Variants in GTF2E2 observed in about 807,000 individuals in gnomAD.
The protein encoded by GTF2E2 is general transcription factor IIE subunit 2, also known as transcription initiation factor IIE subunit beta.
A neutral mutation model predicts 40.5 loss-of-function variants in GTF2E2; 21 were observed. The ratio of observed to expected loss-of-function variants is 0.52; its 90% confidence interval spans 0.37 to 0.75. GTF2E2 has a LOEUF of 0.75. GTF2E2 is among the 30% of genes least tolerant of loss of function. The pLI, the probability that GTF2E2 is intolerant of heterozygous loss-of-function variation, is 0.00. For synonymous variants in GTF2E2, 117 were observed against 121.6 expected (o/e 0.96, Z 0.25); for missense variants, 298 against 338.4 (o/e 0.88, Z 0.94).
In GTF2E2 at chr8:30,653,495, G is replaced by A. The variant is rs953524794; in HGVS notation, c.104C>T (p.Ser35Leu). 7 of 1,608,200 alleles carry A rather than the reference G, an allele frequency of 4.4e-6. No individual in the cohort carries two copies. Among genetic ancestry groups the A allele is most frequent in the Non-Finnish European group, 5.1e-6 (6 of 1,175,198 alleles). ...TACCTTTGTTTTCTTCTTCTTTGAC[G>A]ATGATGATGATGACTCAGAAGATGC... ...RSASSESSSS[S>L]SKKKKTKVEH... Residue 35 changes from serine (S) to leucine (L), a missense_variant, in exon 2 of 8, where the codon TCG becomes TTG. Ser to Leu is a moderately radical substitution (Grantham distance 145). Coordinates refer to ENST00000355904, the MANE Select transcript of GTF2E2 (RefSeq NM_002095.6).
chr8:30,645,649 GA>G (rs1035929844), intron 2 of GTF2E2: 51 of 1,452,042 alleles, frequency 3.5e-5, no homozygotes, highest in Middle Eastern at 3.9e-4. Context: ...CCTCTTCTGA[GA>G]AAAAAAATAT....
intron 6 of GTF2E2, among the ~76,000 whole-genome samples, chr8:30,605,034 G>A (rs886252318): frequency 9.9e-5 from 15 of 152,182 alleles, no homozygotes; most frequent in African/African-American, 3.6e-4. Context: ...AACACACAGT[G>A]TACTCCTAAA....
At chr8:30,636,299 C>T (rs774926524) in intron 2 of GTF2E2, among the ~76,000 whole-genome samples, 1 of 152,108 alleles carries the variant, frequency 6.6e-6, no homozygotes, top group Admixed American at 6.6e-5. Flanking sequence ...GGCTGATCCA[C>T]AAAGAGAGAG....
chr8:30,640,478 C>T (rs1801776607), intron 2 of GTF2E2, among the ~76,000 whole-genome samples: 1 of 151,874 alleles, frequency 6.6e-6, no homozygotes, highest in Admixed American at 6.6e-5. Flanking sequence ...AAAACTAAAA[C>T]ACATATGCTA....
chr8:30,648,762 C>T (rs1179448977), intron 2 of GTF2E2, among the ~76,000 whole-genome samples: 4 of 152,206 alleles, frequency 2.6e-5, no homozygotes, highest in Non-Finnish European at 5.9e-5. Context: ...CTATAACTAG[C>T]TAAGACTTCT....
At chr8:30,608,284 C>T (rs1312890261) in intron 5 of GTF2E2, among the ~76,000 whole-genome samples, 2 of 152,202 alleles carry the variant, frequency 1.3e-5, no homozygotes, top group African/African-American at 4.8e-5. Context: ...GAACAAAATG[C>T]TTCTCAATAC....
intron 6 of GTF2E2, among the ~76,000 whole-genome samples, chr8:30,587,741 G>A (rs10095364): frequency 0.026 from 3,971 of 151,694 alleles, 182 homozygotes; most frequent in African/African-American, 0.091. Flanking sequence ...GCATGGTGGC[G>A]GGCACCTGTA....
intron 6 of GTF2E2, among the ~76,000 whole-genome samples, chr8:30,596,537 G>T (rs1199133556): frequency 6.6e-6 from 1 of 151,974 alleles, no homozygotes; most frequent in African/African-American, 2.4e-5. Context: ...TTAACATACT[G>T]AACAGTTATT....
In GTF2E2 at chr8:30,606,092, A is replaced by G. The variant is rs117633271; in HGVS notation, c.643+965T>C. Among the ~76,000 whole-genome samples, 284 of 152,364 alleles carry G rather than the reference A, an allele frequency of 1.9e-3. 4 individuals are homozygous for G. The East Asian group carries it at 0.028, about 15-fold the overall frequency. On this transcript the variant is annotated intron_variant, in intron 6 of 7. Transcript: ENST00000355904. ...TGTTCAACAGGCACCTATCACTACA[A>G]TGGATAGCATAAGTTCACTACATAC...
At chr8:30,607,245 T>C in intron 5 of GTF2E2, 95 bp from the exon 6 acceptor site, 1 of 532,348 alleles carries the variant, frequency 1.9e-6, no homozygotes, top group Non-Finnish European at 3.4e-6. Flanking sequence ...TTCATTTCCT[T>C]AACACACTCA....
At chr8:30,622,778 T>A (rs1801151486) in intron 3 of GTF2E2, among the ~76,000 whole-genome samples, 1 of 152,052 alleles carries the variant, frequency 6.6e-6, no homozygotes, top group African/African-American at 2.4e-5. Context: ...TCAGCGATAT[T>A]TCTCCCATTT....
intron 5 of GTF2E2, among the ~76,000 whole-genome samples, chr8:30,607,790 C>G (rs868865388): frequency 2.6e-5 from 4 of 152,308 alleles, no homozygotes; most frequent in South Asian, 2.1e-4. Context: ...GGTGTTCTTA[C>G]TTTTCCTCTA....
intron 3 of GTF2E2, among the ~76,000 whole-genome samples, chr8:30,626,380 G>A (rs1270692062): frequency 1.3e-5 from 2 of 152,194 alleles, no homozygotes; most frequent in South Asian, 2.1e-4. Flanking sequence ...AGCTACTTGG[G>A]AGGCTGAAGC....
chr8:30,632,136 T>C (rs75697968), intron 3 of GTF2E2, among the ~76,000 whole-genome samples: 260 of 152,212 alleles, frequency 1.7e-3, no homozygotes, highest in African/African-American at 6.0e-3. Context: ...AATAAAGGAA[T>C]AACACAACTT....
intron 6 of GTF2E2, chr8:30,597,653 C>T (rs1829051013): frequency 6.6e-6 from 1 of 152,218 alleles, no homozygotes. Context: ...GCAACCTCAG[C>T]TCACTGATGA....
At chr8:30,623,412 A>G (rs1484764060) in intron 3 of GTF2E2, among the ~76,000 whole-genome samples, 1 of 152,112 alleles carries the variant, frequency 6.6e-6, no homozygotes, top group Non-Finnish European at 1.5e-5. Flanking sequence ...TCCATGGTGT[A>G]TATGTGCCAC....
chr8:30,644,128 C>T (rs1210909099), intron 2 of GTF2E2, among the ~76,000 whole-genome samples: 1 of 152,144 alleles, frequency 6.6e-6, no homozygotes, highest in Non-Finnish European at 1.5e-5. Context: ...ACAGTAAAAA[C>T]TAATTTAGTT....
chr8:30,620,700 G>GA (rs1563492358), intron 3 of GTF2E2, among the ~76,000 whole-genome samples: 1 of 80,564 alleles, frequency 1.2e-5, no homozygotes, highest in East Asian at 2.4e-4. Flanking sequence ...TGACGTGGGT[G>GA]AATCACCTGA....
chr8:30,605,809 C>T (rs531250952), intron 6 of GTF2E2, among the ~76,000 whole-genome samples: 2 of 152,160 alleles, frequency 1.3e-5, no homozygotes, highest in African/African-American at 2.4e-5. Context: ...CACAGGCATG[C>T]GCCACCAAGC....
Sources: gnomAD v4.1 joint callset for allele counts (sites outside exome capture counted in the v4.1 genomes callset) on GRCh38, gnomAD v4.1.1 for gene constraint, MANE v1.5 for transcripts, NCBI Gene and HGNC (gene_info 2026-07-23, HGNC 2026-07-21) for gene names.